Variants in UGT2B10 observed in about 807,000 individuals in gnomAD.
UGT2B10 encodes UDP-glucuronosyltransferase 2B10.
In UGT2B10, 51 loss-of-function variants were observed where a neutral mutation model predicts 43.7. The ratio of observed to expected loss-of-function variants is 1.17; its 90% CI spans 0.93 to 1.47. The LOEUF (loss-of-function observed/expected upper bound fraction) is 1.47. Ranked by LOEUF, UGT2B10 falls within the 40% of genes most tolerant of loss-of-function variation. The pLI is 0.00. For missense variants in UGT2B10, 696 were observed against 617.7 expected (o/e 1.13, Z -1.34); for synonymous variants, 225 against 209.0 (o/e 1.08, Z -0.66).
intron 3 of UGT2B10, 22 bp downstream of exon 3, chr4:68,822,424 G>T (rs758057855): frequency 3.1e-6 from 5 of 1,611,516 alleles, no homozygotes; most frequent in Non-Finnish European, 1.7e-6. Flanking sequence ...TGCCTTACTG[G>T]TGTGGAAAAC....
At position 68,816,471 on chromosome 4, in the gene UGT2B10, C is replaced by T. The variant is rs770953272; in HGVS notation, c.452C>T (p.Ala151Val). Residue 151 changes from alanine to valine, a missense_variant, in exon 1 of 6, where the codon GCT (alanine) becomes GTT (valine). Coordinates refer to ENST00000265403, the MANE Select transcript of UGT2B10 (RefSeq NM_001075.6). Reference protein sequence around the residue: ...ESRFDIVFADAYLPCGELLAE... With the variant: ...ESRFDIVFADVYLPCGELLAE... The stretch of plus-strand genomic sequence containing the variant: ...AGATTTGACATCGTTTTTGCAGATG[C>T]TTATTTACCCTGTGGTGAGCTGCTG... 1.8e-5 allele frequency: 29 copies of T among 1,613,004 alleles called. No homozygotes were observed. Among genetic ancestry groups the T allele is most frequent in the Non-Finnish European group, 2.1e-5 (25 of 1,179,424 alleles).
At position 68,815,995 on chromosome 4, in the gene UGT2B10, A is replaced by G. The variant is rs1037422805; in HGVS notation, c.-25A>G. 24 of 1,610,632 alleles carry G rather than the reference A, an allele frequency of 1.5e-5. 1 individual carries two copies. Among genetic ancestry groups the G allele is most frequent in the Middle Eastern group, 1.7e-4 (1 of 6,050 alleles). ...AGTATGAGAAAGAAACAGTGACTGG[A>G]AAAGAATTATCACATTGCACAAGGA... On this transcript the variant is annotated 5_prime_UTR_variant, in exon 1 of 6. Coordinates refer to ENST00000265403, the MANE Select transcript of UGT2B10 (RefSeq NM_001075.6).
intron 2 of UGT2B10, among the ~76,000 whole-genome samples, chr4:68,819,188 C>T (rs1441072406): frequency 6.6e-6 from 1 of 151,876 alleles, no homozygotes; most frequent in Non-Finnish European, 1.5e-5. Flanking sequence ...GTCAGTGACT[C>T]AGAAATGTTA....
chr4:68,822,425 T>A (rs777497303), intron 3 of UGT2B10, 23 bp downstream of exon 3: 3 of 1,610,844 alleles, frequency 1.9e-6, no homozygotes, highest in African/African-American at 1.3e-5. Context: ...GCCTTACTGG[T>A]GTGGAAAACT....
rs1737371825 is a variant in UGT2B10 at position 68,819,141 on chromosome 4, AAC to A, written c.867+968_867+969del. Among the ~76,000 whole-genome samples, 3 of 151,940 alleles carry A rather than the reference AAC, an allele frequency of 2.0e-5. No individual in the cohort carries two copies. The South Asian group carries it at 6.2e-4, about 31-fold the overall frequency. ...ATTGTGTTGTGTGGAAAAAAATATT[AAC>A]ACAGACAAAACACTTAAAATGTCTC... On this transcript the variant is annotated intron_variant, in intron 2 of 5. Coordinates refer to ENST00000265403, the MANE Select transcript of UGT2B10 (RefSeq NM_001075.6).
Position 68,831,453 on chromosome 4 carries a change from A to G in UGT2B10, c.*574A>G, listed in dbSNP as rs142194945. On this transcript the variant is annotated 3_prime_UTR_variant, in exon 6 of 6. Transcript: ENST00000265403. ...TCAGGGATGAAAGAGTCACTAACATAAAAGAAGAATGGGATGAGGTGAGAA... is the reference window on the plus strand; with the variant it reads ...TCAGGGATGAAAGAGTCACTAACATGAAAGAAGAATGGGATGAGGTGAGAA... Among the ~76,000 whole-genome samples, 1 of 152,256 alleles carries G rather than the reference A, an allele frequency of 6.6e-6. No individual in the cohort carries two copies. The highest frequency in any genetic ancestry group is 1.5e-5 in the Non-Finnish European group (1 of 67,996).
intron 5 of UGT2B10, among the ~76,000 whole-genome samples, chr4:68,828,891 G>T (rs187963301): frequency 3.6e-3 from 541 of 151,894 alleles, no homozygotes; most frequent in African/African-American, 0.012. Context: ...AGTAAGGGAG[G>T]TTATAAATAC....
chr4:68,828,377 A>T (rs1314696313), intron 5 of UGT2B10, among the ~76,000 whole-genome samples: 1 of 151,916 alleles, frequency 6.6e-6, no homozygotes, highest in African/African-American at 2.4e-5. Flanking sequence ...TTGTTCATTT[A>T]TCAGTTCATT....
Position 68,818,044 on chromosome 4 carries a change from T to C in UGT2B10, c.734T>C (p.Leu245Ser), listed in dbSNP as rs538078161. ...YSEVLGRPTT[L>S]SETMRKADIW... ...TTCCTATCAGGAAGACCCACTACAT[T>C]ATCTGAGACAATGAGGAAAGCTGAC... The change falls in exon 2 of 6, where the codon TTA becomes TCA. Residue 245 changes from leucine to serine, a missense_variant. By Grantham distance (145) the Leu-to-Ser change is moderately radical. Coordinates refer to ENST00000265403, the MANE Select transcript of UGT2B10 (RefSeq NM_001075.6). 2 of 1,609,862 alleles carry C rather than the reference T, an allele frequency of 1.2e-6. No homozygotes were observed. Among genetic ancestry groups the C allele is most frequent in the Admixed American group, 3.4e-5 (2 of 59,506 alleles).
chr4:68,818,617 C>A (rs556515060), intron 2 of UGT2B10, among the ~76,000 whole-genome samples: 95 of 27,700 alleles, frequency 3.4e-3, no homozygotes, highest in African/African-American at 3.9e-3. Flanking sequence ...ACTATTATCT[C>A]AAGAAAAAAA....
intron 5 of UGT2B10, among the ~76,000 whole-genome samples, chr4:68,829,172 A>G (rs2109705092): frequency 6.6e-6 from 1 of 152,224 alleles, no homozygotes; most frequent in East Asian, 1.9e-4. Flanking sequence ...CCATCAACAA[A>G]ATACTACACA....
At chr4:68,821,766 A>G (rs1250552201) in intron 2 of UGT2B10, among the ~76,000 whole-genome samples, 1 of 152,160 alleles carries the variant, frequency 6.6e-6, no homozygotes, top group Non-Finnish European at 1.5e-5. Flanking sequence ...AATTATCCCA[A>G]CTGTGAGTAG....
chr4:68,825,159 A>G (rs1258903634), intron 3 of UGT2B10, among the ~76,000 whole-genome samples: 1 of 152,124 alleles, frequency 6.6e-6, no homozygotes. Flanking sequence ...ACTCAAAAAG[A>G]AACGAATACA....
chr4:68,816,664 T>A lies in UGT2B10; in HGVS notation c.645T>A (p.Tyr215Ter), dbSNP rs761441621. 4 of 1,612,296 alleles carry A rather than the reference T, an allele frequency of 2.5e-6. No homozygotes were observed. Among genetic ancestry groups the A allele is most frequent in the Non-Finnish European group, 3.4e-6 (4 of 1,179,032 alleles). Reference protein sequence around the residue: ...TFMERVKNMLYVLYFDFWFQI... With the variant: ...TFMERVKNML ...TGGAGAGGGTAAAAAATATGCTCTATGTGCTTTATTTTGACTTTTGGTTCC... is the reference window on the plus strand; with the variant it reads ...TGGAGAGGGTAAAAAATATGCTCTAAGTGCTTTATTTTGACTTTTGGTTCC... The change falls in exon 1 of 6, where the codon TAT (tyrosine) becomes TAA (stop). Residue 215 changes from tyrosine (Y) to a stop codon, truncating the protein, a stop_gained. Coordinates refer to ENST00000265403, the MANE Select transcript of UGT2B10 (RefSeq NM_001075.6). LOFTEE classifies it high-confidence loss of function.
intron 2 of UGT2B10, among the ~76,000 whole-genome samples, chr4:68,821,312 C>G (rs1229044697): frequency 2.0e-5 from 3 of 152,194 alleles, no homozygotes; most frequent in Non-Finnish European, 4.4e-5. Flanking sequence ...ACATCTTCAC[C>G]AGGAGTGTAA....
rs146848056 is a variant in UGT2B10 at position 68,819,198 on chromosome 4, A to G, written c.867+1021A>G. 5.6e-3 allele frequency among the ~76,000 whole-genome samples: 845 copies of G among 152,106 alleles called. 6 individuals are homozygous for G. Among genetic ancestry groups the G allele is most frequent in the African/African-American group, 0.019 (804 of 41,558 alleles). On this transcript the variant is annotated intron_variant, in intron 2 of 5. Coordinates refer to ENST00000265403, the MANE Select transcript of UGT2B10 (RefSeq NM_001075.6). ...ATATAGTCAGTGACTCAGAAATGTT[A>G]TTAATTTTGCAATTATGGTTATTTT... is the stretch of plus-strand genomic sequence containing the variant.
chr4:68,816,249 C>T lies in UGT2B10; in HGVS notation c.230C>T (p.Pro77Leu), dbSNP rs775161105. The change falls in exon 1 of 6, where the codon CCT (proline) becomes CTT (leucine). Residue 77 changes from proline (P) to leucine (L), a missense_variant. By Grantham distance (98) the Pro-to-Leu change is moderately conservative. Coordinates refer to ENST00000265403, the MANE Select transcript of UGT2B10 (RefSeq NM_001075.6). ...DSSTLKLEVY[P>L]TSLTKTEFEN... ...TCCACTCTTAAACTTGAAGTTTATC[C>T]TACATCTTTAACTAAAACTGAATTT... The T allele has an allele frequency of 1.2e-6, 2 of 1,613,064 alleles. No individual in the cohort carries two copies. Among genetic ancestry groups the T allele is most frequent in the Non-Finnish European group, 1.7e-6 (2 of 1,179,452 alleles).
rs756068390 is a variant in UGT2B10 at position 68,826,442 on chromosome 4, T to A, written c.1032T>A (p.Asp344Glu). ...GGAGATTTGATGGGAATAAACCAGA[T>A]GCCTTAGGTCTCAATACTCGACTGT... ...VLWRFDGNKP[D>E]ALGLNTRLYK... Residue 344 changes from aspartate to glutamate, a missense_variant, in exon 4 of 6, where the codon GAT becomes GAA. Coordinates refer to ENST00000265403, the MANE Select transcript of UGT2B10 (RefSeq NM_001075.6). 20 of 1,611,948 alleles carry A rather than the reference T, an allele frequency of 1.2e-5. No homozygotes were observed. Among genetic ancestry groups the A allele is most frequent in the Admixed American group, 1.7e-5 (1 of 59,808 alleles).
intron 1 of UGT2B10, among the ~76,000 whole-genome samples, 178 bp downstream of exon 1, chr4:68,816,915 T>C (rs1361299857): frequency 6.6e-6 from 1 of 151,742 alleles, no homozygotes; most frequent in East Asian, 1.9e-4. Flanking sequence ...AATTATAGGG[T>C]CAGTGAAAAC....
Sources: gnomAD v4.1 joint callset for allele counts (sites outside exome capture counted in the v4.1 genomes callset) on GRCh38, gnomAD v4.1.1 for gene constraint, MANE v1.5 for transcripts, NCBI Gene and HGNC (gene_info 2026-07-23, HGNC 2026-07-21) for gene names.